The following SPATA24 variants were observed in gnomAD, a reference collection of about 807,000 sequenced individuals.
The protein encoded by SPATA24 is spermatogenesis associated 24.
SPATA24 carries 21 observed loss-of-function variants against 28.9 expected under a neutral mutation model. That is an observed-to-expected ratio of 0.73 (90% CI 0.52 to 1.05). SPATA24 has a LOEUF of 1.05. Ranked by LOEUF, SPATA24 falls within the 50% of genes least tolerant of loss-of-function variation. SPATA24 has a pLI of 0.00. For synonymous variants in SPATA24, 76 were observed against 89.9 expected (o/e 0.85, Z 0.88); for missense variants, 215 against 242.9 (o/e 0.88, Z 0.76).
At chr5:139,403,753 T>G (rs1581405773) in intron 1 of SPATA24, among the ~76,000 whole-genome samples, 191 bp downstream of exon 1, 1 of 152,288 alleles carries the variant, frequency 6.6e-6, no homozygotes, top group South Asian at 2.1e-4. Flanking sequence ...TTGATTTTAG[T>G]TAAAATTCCC....
At chr5:139,402,406 TA>T (rs1271805303) in intron 2 of SPATA24, among the ~76,000 whole-genome samples, 18 of 150,464 alleles carry the variant, frequency 1.2e-4, no homozygotes, top group African/African-American at 2.2e-4. Context: ...TGTATATATA[TA>T]TTTTTTTGTA....
At chr5:139,394,242 C>A (rs763841775), downstream of SPATA24, 18 of 1,548,310 alleles carry the variant, frequency 1.2e-5, 1 homozygote, top group South Asian at 2.1e-4. Context: ...TTTCCCGGGT[C>A]TCAGGTTCCG....
At chr5:139,401,627 C>T (rs1177468385) in intron 4 of SPATA24, 128 bp downstream of exon 4, 11 of 1,067,500 alleles carry the variant, frequency 1.0e-5, no homozygotes, top group East Asian at 7.7e-5. Context: ...GTGGCCCACC[C>T]GGGCCTGCCT....
At chr5:139,399,086 G>A (rs1353280895) in intron 4 of SPATA24, among the ~76,000 whole-genome samples, 1 of 149,594 alleles carries the variant, frequency 6.7e-6, no homozygotes, top group African/African-American at 2.5e-5. Flanking sequence ...GGGAGGCCAA[G>A]GTGGGTGGAT....
chr5:139,395,906 C>A (rs1181989149), downstream of SPATA24, among the ~76,000 whole-genome samples: 1 of 152,218 alleles, frequency 6.6e-6, no homozygotes, highest in Non-Finnish European at 1.5e-5. Flanking sequence ...GCCAGAACAG[C>A]CCTGTGCTCC....
downstream of SPATA24, chr5:139,394,015 G>T (rs746059865): frequency 6.4e-7 from 1 of 1,550,590 alleles, no homozygotes; most frequent in African/African-American, 1.4e-5. Context: ...CGGGAACCGA[G>T]TCTTCCGCGC....
At chr5:139,401,677 C>A (rs1317295007) in intron 4 of SPATA24, 78 bp downstream of exon 4, 5 of 1,449,324 alleles carry the variant, frequency 3.4e-6, no homozygotes, top group Non-Finnish European at 9.5e-7. Context: ...TGAAACCCTG[C>A]CTTTGACACA....
downstream of SPATA24, chr5:139,394,833 C>T (rs1199344585): frequency 2.0e-6 from 3 of 1,531,244 alleles, no homozygotes; most frequent in Non-Finnish European, 2.6e-6. Context: ...CCGAGCCGGG[C>T]CCGTGCCGCT....
chr5:139,402,983 A>G (rs557431047), intron 1 of SPATA24, among the ~76,000 whole-genome samples: 1 of 152,282 alleles, frequency 6.6e-6, no homozygotes, highest in South Asian at 2.1e-4. Flanking sequence ...GGAGGCCCCA[A>G]CCCAGCCTGG....
chr5:139,396,021 C>A (rs1432513362), downstream of SPATA24, among the ~76,000 whole-genome samples: 1 of 152,224 alleles, frequency 6.6e-6, no homozygotes, highest in Non-Finnish European at 1.5e-5. Context: ...TGTCTTACAA[C>A]TGTGGGCACC....
intron 4 of SPATA24, among the ~76,000 whole-genome samples, 185 bp from the exon 5 acceptor site, chr5:139,397,328 G>T (rs527504577): frequency 6.6e-6 from 1 of 152,202 alleles, no homozygotes; most frequent in South Asian, 2.1e-4. Flanking sequence ...AGTGTTTGAG[G>T]ATTGTTGTCA....
Position 139,403,941 on chromosome 5 carries a change from T to C in SPATA24, c.117+3A>G, listed in dbSNP as rs1325830094. 1.3e-6 allele frequency: 2 copies of C among 1,551,082 alleles called. No homozygotes were observed. Among genetic ancestry groups the C allele is most frequent in the Non-Finnish European group, 1.7e-6 (2 of 1,146,400 alleles). ...CTCTCCCCAAACTCCTCTGGCTGCA[T>C]ACCACGTTCCTCAGCTGGTGGATTA... On this transcript the variant is annotated splice_donor_region_variant and intron_variant, in intron 1 of 5. Transcript: ENST00000450845.
intron 4 of SPATA24, among the ~76,000 whole-genome samples, chr5:139,398,057 G>A (rs1758748934): frequency 6.6e-6 from 1 of 152,208 alleles, no homozygotes; most frequent in Admixed American, 6.5e-5. Context: ...GGATGTCCCT[G>A]GGGGTTTAGG....
chr5:139,395,138 G>A (rs1758676697), downstream of SPATA24: 5 of 1,362,718 alleles, frequency 3.7e-6, no homozygotes, highest in Non-Finnish European at 4.7e-6. Flanking sequence ...TGGTGGCGCC[G>A]GCACTGTCCC....
chr5:139,392,692 C>A (rs939528370), downstream of SPATA24: 5 of 1,387,952 alleles, frequency 3.6e-6, no homozygotes, highest in African/African-American at 4.6e-5. The surrounding 1 kb of genome is among the most constrained non-coding windows in gnomAD (Gnocchi z 5.8). Flanking sequence ...GCGGGGCGAT[C>A]GGACCCCTGC....
chr5:139,397,892 C>A (rs1758745376), intron 4 of SPATA24, among the ~76,000 whole-genome samples: 1 of 152,206 alleles, frequency 6.6e-6, no homozygotes, highest in Non-Finnish European at 1.5e-5. Context: ...ACCTAACATA[C>A]CATATACTTT....
At chr5:139,395,026 G>T (rs1758674088), downstream of SPATA24, 1 of 1,440,948 alleles carries the variant, frequency 6.9e-7, no homozygotes, top group Non-Finnish European at 9.1e-7. Flanking sequence ...CGCGGGGGCC[G>T]TGGGCAGCTG....
intron 4 of SPATA24, among the ~76,000 whole-genome samples, chr5:139,399,946 C>CT (rs986686835): frequency 1.3e-5 from 2 of 152,186 alleles, no homozygotes; most frequent in Non-Finnish European, 2.9e-5. Context: ...ACCCCAGGTT[C>CT]TTTTTTGGGA....
chr5:139,394,888 GC>G (rs1424842964), downstream of SPATA24: 8 of 1,510,268 alleles, frequency 5.3e-6, no homozygotes, highest in East Asian at 2.6e-5. Context: ...CTGCGCGCCC[GC>G]CCCCCGCCCA....
Sources: allele counts gnomAD v4.1 joint callset (sites outside exome capture counted in the v4.1 genomes callset), GRCh38; gene constraint gnomAD v4.1.1; non-coding constraint Gnocchi (gnomAD v3.1); transcripts MANE v1.5; gene names NCBI Gene and HGNC (gene_info 2026-07-23, HGNC 2026-07-21).